The following ERICH3 variants were observed in gnomAD, a reference collection of about 807,000 sequenced individuals.
ERICH3 encodes the protein glutamate-rich protein 3.
In ERICH3, 126 loss-of-function variants were observed where a neutral mutation model predicts 131.1. The ratio of observed to expected loss-of-function variants is 0.96; its 90% CI spans 0.83 to 1.11. The LOEUF is 1.11. ERICH3 is among the 50% of genes most tolerant of loss of function. ERICH3 has a pLI of 0.00. For synonymous variants in ERICH3, 695 were observed against 644.6 expected (o/e 1.08, Z -1.18); for missense variants, 2,050 against 1,810.7 (o/e 1.13, Z -2.40).
intron 11 of ERICH3, chr1:74,591,951 T>C (rs1647627045): frequency 6.6e-6 from 1 of 152,184 alleles, no homozygotes; most frequent in Admixed American, 6.6e-5. Context: ...CCGATGGCTG[T>C]AGCAGCTAAT....
chr1:74,665,943 G>A (rs758723963), intron 1 of ERICH3, among the ~76,000 whole-genome samples: 2 of 152,168 alleles, frequency 1.3e-5, no homozygotes, highest in South Asian at 4.2e-4. Context: ...ATATATCATG[G>A]ATTTAGACAG....
Position 74,646,843 on chromosome 1 carries a change from T to C in ERICH3, c.118-51A>G, listed in dbSNP as rs772185475. On this transcript the variant is annotated intron_variant, in intron 2 of 14. Transcript: ENST00000326665. ...TAGAAATATAAAATAGAAAATGTGG[T>C]GTTAGTTTCCAAAAAAGGGAGGCTG... is the stretch of plus-strand genomic sequence containing the variant. The C allele has an allele frequency of 2.6e-5, 30 of 1,141,498 alleles. No individual in the cohort carries two copies. The South Asian group carries it at 5.0e-4, about 19-fold the overall frequency. 70.7% of individuals were successfully genotyped at this position (1,141,498 alleles called of 1,614,324 possible).
At chr1:74,628,038 T>G (rs1384461822) in intron 7 of ERICH3, among the ~76,000 whole-genome samples, 1 of 152,184 alleles carries the variant, frequency 6.6e-6, no homozygotes, top group African/African-American at 2.4e-5. Flanking sequence ...AAATTAACTG[T>G]AGTACATACT....
At chr1:74,646,095 A>G in intron 3 of ERICH3, among the ~76,000 whole-genome samples, 1 of 152,100 alleles carries the variant, frequency 6.6e-6, no homozygotes, top group African/African-American at 2.4e-5. Context: ...GATTAAAAAA[A>G]TATGTTGTTG....
intron 1 of ERICH3, among the ~76,000 whole-genome samples, chr1:74,658,732 A>T (rs1646610742): frequency 6.6e-6 from 1 of 152,100 alleles, no homozygotes; most frequent in South Asian, 2.1e-4. Flanking sequence ...TTTTGAGATC[A>T]TCTTACCAGT....
intron 9 of ERICH3, among the ~76,000 whole-genome samples, chr1:74,611,363 T>A (rs910182172): frequency 6.6e-6 from 1 of 152,182 alleles, no homozygotes; most frequent in African/African-American, 2.4e-5. Flanking sequence ...CATCAGTAAA[T>A]TCTGTAAGCT....
chr1:74,637,490 C>T (rs948149869), intron 5 of ERICH3, among the ~76,000 whole-genome samples: 2 of 152,180 alleles, frequency 1.3e-5, no homozygotes, highest in Non-Finnish European at 2.9e-5. Flanking sequence ...TTTGAGCCAT[C>T]TGTCTACCTC....
rs1004903236 is a variant in ERICH3 at position 74,599,923 on chromosome 1, C to T, written c.1498G>A (p.Glu500Lys). Residue 500 changes from glutamate (E) to lysine (K), a missense_variant, in exon 11 of 15, where the codon GAA becomes AAA. By Grantham distance (56) the Glu-to-Lys change is moderately conservative. Coordinates refer to ENST00000326665, the MANE Select transcript of ERICH3 (RefSeq NM_001002912.5). ...TTCTCCTCATCTACTTCAAAGTCTT[C>T]TTCATACTCTGAAATAGGAAAATCT... ...QENTLKYEYE[E>K]DFEVDEEKQG... 2 of 1,603,282 alleles carry T rather than the reference C, an allele frequency of 1.2e-6. No individual in the cohort carries two copies. Among genetic ancestry groups the T allele is most frequent in the Admixed American group, 3.4e-5 (2 of 58,416 alleles).
At chr1:74,614,620 C>T (rs574132456) in intron 8 of ERICH3, among the ~76,000 whole-genome samples, 2 of 149,140 alleles carry the variant, frequency 1.3e-5, no homozygotes, top group East Asian at 2.0e-4. Flanking sequence ...GAGCTTGCAG[C>T]GAGCCGAGAT....
At chr1:74,652,978 T>C (rs917859218) in intron 1 of ERICH3, among the ~76,000 whole-genome samples, 6 of 152,102 alleles carry the variant, frequency 3.9e-5, no homozygotes, top group Non-Finnish European at 5.9e-5. Context: ...TTCCCTCACT[T>C]CAGTGCACAC....
intron 1 of ERICH3, among the ~76,000 whole-genome samples, chr1:74,665,863 C>T (rs1403535329): frequency 6.6e-6 from 1 of 152,064 alleles, no homozygotes; most frequent in African/African-American, 2.4e-5. Context: ...GAGGGGGAGG[C>T]AGACAGAAGG....
At chr1:74,665,605 AG>A (rs1440505701) in intron 1 of ERICH3, among the ~76,000 whole-genome samples, 4 of 152,262 alleles carry the variant, frequency 2.6e-5, no homozygotes, top group African/African-American at 9.6e-5. Context: ...AGGTGTCAGC[AG>A]GGTTGGTTTC....
intron 13 of ERICH3, among the ~76,000 whole-genome samples, chr1:74,575,026 GCTC>G (rs1647025547): frequency 7.8e-6 from 1 of 127,984 alleles, no homozygotes. Context: ...CAAGTATGAT[GCTC>G]CTCATTTGTT....
At chr1:74,630,484 C>T (rs1649555645) in intron 7 of ERICH3, among the ~76,000 whole-genome samples, 1 of 152,132 alleles carries the variant, frequency 6.6e-6, no homozygotes, top group African/African-American at 2.4e-5. Context: ...ATTCCAGACT[C>T]CTTCATTCTG....
chr1:74,610,499 C>T (rs1338905871), intron 9 of ERICH3, among the ~76,000 whole-genome samples: 2 of 150,466 alleles, frequency 1.3e-5, no homozygotes, highest in African/African-American at 4.9e-5. Context: ...TCCAGTCTAC[C>T]CAATCATTTA....
At chr1:74,672,858 A>G (rs1329354115) in intron 1 of ERICH3, among the ~76,000 whole-genome samples, 1 of 152,146 alleles carries the variant, frequency 6.6e-6, no homozygotes, top group Non-Finnish European at 1.5e-5. Context: ...AGGTTATCTA[A>G]GGGGTTCACC....
At position 74,599,767 on chromosome 1, in the gene ERICH3, G is replaced by A. The variant is rs139900070; in HGVS notation, c.1654C>T (p.Pro552Ser). 8.7e-6 allele frequency: 14 copies of A among 1,612,270 alleles called. No homozygotes were observed. In the African/African-American group the frequency reaches 1.9e-4, roughly 22 times the overall value. Residue 552 changes from proline (P) to serine (S), a missense_variant, in exon 11 of 15, where the codon CCA (proline) becomes TCA (serine). Transcript: ENST00000326665. ...TCTTTCACATTGTCACGGGCATCTG[G>A]TGCCTTCTGTGATGAGGTTTCACTC... ...KESETSSQKA[P>S]DARDNVKDEN...
chr1:74,645,844 G>C (rs1646478156), intron 3 of ERICH3, among the ~76,000 whole-genome samples: 1 of 151,976 alleles, frequency 6.6e-6, no homozygotes, highest in African/African-American at 2.4e-5. Context: ...ATTTTCAGTG[G>C]CACTAGACTT....
intron 9 of ERICH3, among the ~76,000 whole-genome samples, chr1:74,610,794 C>T (rs571476621): frequency 1.7e-4 from 26 of 151,932 alleles, no homozygotes; most frequent in Admixed American, 5.9e-4. Flanking sequence ...CACTATAACT[C>T]GTGCCATGAT....
Sources: allele counts gnomAD v4.1 joint callset (sites outside exome capture counted in the v4.1 genomes callset), GRCh38; gene constraint gnomAD v4.1.1; transcripts MANE v1.5; gene names NCBI Gene and HGNC (gene_info 2026-07-23, HGNC 2026-07-21).